KCTD8: variants seen among roughly 807,000 people sequenced by gnomAD.
The protein encoded by KCTD8 is BTB/POZ domain-containing protein KCTD8.
A neutral mutation model predicts 31.5 loss-of-function variants in KCTD8; 27 were observed. The ratio of observed to expected loss-of-function variants is 0.86; its 90% confidence interval spans 0.63 to 1.18. The LOEUF (loss-of-function observed/expected upper bound fraction) is 1.18, where lower values mean the gene tolerates loss of function less well. Among genes scored for constraint, KCTD8 ranks in the 50% most tolerant of loss-of-function variants. KCTD8 has a pLI of 0.00. For synonymous variants in KCTD8, 290 were observed against 280.0 expected, an observed-to-expected ratio of 1.04 and a Z score of -0.36; for missense variants, 658 against 647.7, an observed-to-expected ratio of 1.02 and a Z score of -0.17.
chr4:44,267,517 T>C (rs1716422587), intron 1 of KCTD8, among the ~76,000 whole-genome samples: 1 of 152,014 alleles, frequency 6.6e-6, no homozygotes, highest in Non-Finnish European at 1.5e-5. Context: ...ATTCAAAAGC[T>C]AGCAGAAGGC....
intron 1 of KCTD8, among the ~76,000 whole-genome samples, chr4:44,398,902 A>G (rs923678877): frequency 6.6e-6 from 1 of 152,220 alleles, no homozygotes; most frequent in African/African-American, 2.4e-5. Context: ...TTGAAGTCAT[A>G]CAATAGGCCC....
chr4:44,185,010 A>C (rs957030489), intron 1 of KCTD8, among the ~76,000 whole-genome samples: 1 of 152,230 alleles, frequency 6.6e-6, no homozygotes, highest in Admixed American at 6.5e-5. Context: ...TAAGAAAAGA[A>C]ATATCAGAGA....
intron 1 of KCTD8, among the ~76,000 whole-genome samples, chr4:44,445,524 T>G (rs1191894115): frequency 2.0e-5 from 3 of 152,256 alleles, no homozygotes; most frequent in East Asian, 3.9e-4. Context: ...TCTCTCAAAT[T>G]TATCCCATTA....
At chr4:44,287,546 A>G (rs1378123089) in intron 1 of KCTD8, among the ~76,000 whole-genome samples, 2 of 152,182 alleles carry the variant, frequency 1.3e-5, no homozygotes, top group Non-Finnish European at 2.9e-5. Context: ...CACCAAACTC[A>G]ATTTTTAAAC....
chr4:44,346,613 T>C (rs1170483942), intron 1 of KCTD8, among the ~76,000 whole-genome samples: 1 of 152,148 alleles, frequency 6.6e-6, no homozygotes, highest in Non-Finnish European at 1.5e-5. Context: ...TAAAAATATA[T>C]GCACATACAA....
intron 1 of KCTD8, among the ~76,000 whole-genome samples, chr4:44,261,630 C>G (rs928753484): frequency 2.0e-5 from 3 of 151,890 alleles, no homozygotes; most frequent in African/African-American, 7.2e-5. Flanking sequence ...CTGTTCTACT[C>G]TCTGCTTTTA....
intron 1 of KCTD8, among the ~76,000 whole-genome samples, chr4:44,308,099 TAC>T (rs1717853701): frequency 6.6e-6 from 1 of 151,990 alleles, no homozygotes; most frequent in African/African-American, 2.4e-5. Context: ...TCCCTTAATA[TAC>T]AGTTATTCCT....
intron 1 of KCTD8, among the ~76,000 whole-genome samples, chr4:44,400,606 G>T (rs1560445684): frequency 6.6e-6 from 1 of 151,434 alleles, no homozygotes. Flanking sequence ...GTGCACACCT[G>T]TAGTCCCAGT....
At position 44,180,333 on chromosome 4, in the gene KCTD8, TA is replaced by T. The variant is rs201146967; in HGVS notation, c.962-5084del. Among the ~76,000 whole-genome samples the T allele has an allele frequency of 1.1e-4, 16 of 149,502 alleles. No individual in the cohort carries two copies. The South Asian group carries it at 1.5e-3, about 14-fold the overall frequency. On this transcript the variant is annotated intron_variant, in intron 1 of 1. Transcript: ENST00000360029. The stretch of plus-strand genomic sequence containing the variant: ...CTCATATTAACCTAAGATTTATCTG[TA>T]AAAAAAAAGAGTTAATTATTTTAAA...
intron 1 of KCTD8, among the ~76,000 whole-genome samples, chr4:44,192,243 T>C (rs534969209): frequency 6.6e-6 from 1 of 152,294 alleles, no homozygotes; most frequent in East Asian, 1.9e-4. Flanking sequence ...AATCTAATCA[T>C]TGTGTATTTA....
chr4:44,366,766 AAC>A (rs1004672185), intron 1 of KCTD8, among the ~76,000 whole-genome samples: 71 of 152,268 alleles, frequency 4.7e-4, no homozygotes, highest in African/African-American at 1.6e-3. Flanking sequence ...CTCATTAAGC[AAC>A]ACAGTCTTCC....
chr4:44,392,874 A>C (rs1360565876), intron 1 of KCTD8, among the ~76,000 whole-genome samples: 1 of 152,064 alleles, frequency 6.6e-6, no homozygotes, highest in Non-Finnish European at 1.5e-5. Flanking sequence ...CTGAAAAAAC[A>C]TCTATTTTTA....
intron 1 of KCTD8, among the ~76,000 whole-genome samples, chr4:44,268,119 A>T (rs1474672387): frequency 6.6e-6 from 1 of 152,248 alleles, no homozygotes; most frequent in Non-Finnish European, 1.5e-5. Context: ...AATTTCCTTG[A>T]TGAACATTGA....
At chr4:44,392,300 A>T (rs999233748) in intron 1 of KCTD8, among the ~76,000 whole-genome samples, 1 of 151,956 alleles carries the variant, frequency 6.6e-6, no homozygotes. Flanking sequence ...ACACTCTCTC[A>T]TGTCTTACAA....
chr4:44,320,944 G>A (rs1718279501), intron 1 of KCTD8, among the ~76,000 whole-genome samples: 1 of 152,148 alleles, frequency 6.6e-6, no homozygotes, highest in Non-Finnish European at 1.5e-5. Context: ...TAAGTGAGAG[G>A]AGAAGCCTGA....
At chr4:44,336,790 C>A (rs997389226) in intron 1 of KCTD8, among the ~76,000 whole-genome samples, 1 of 151,908 alleles carries the variant, frequency 6.6e-6, no homozygotes, top group Non-Finnish European at 1.5e-5. Context: ...ATGATATCTA[C>A]ATACCTTTAT....
At chr4:44,418,000 A>C (rs753146927) in intron 1 of KCTD8, among the ~76,000 whole-genome samples, 2 of 152,092 alleles carry the variant, frequency 1.3e-5, no homozygotes, top group Non-Finnish European at 2.9e-5. Flanking sequence ...AAATTGTCCC[A>C]CTCTTCAGTA....
At chr4:44,434,330 A>G (rs1721588949) in intron 1 of KCTD8, among the ~76,000 whole-genome samples, 1 of 151,908 alleles carries the variant, frequency 6.6e-6, no homozygotes, top group Non-Finnish European at 1.5e-5. Context: ...GTACCATGCC[A>G]AGTGCTTTCT....
At chr4:44,294,547 C>G (rs891841338) in intron 1 of KCTD8, among the ~76,000 whole-genome samples, 2 of 152,134 alleles carry the variant, frequency 1.3e-5, no homozygotes, top group African/African-American at 4.8e-5. Flanking sequence ...AGCATTGGCT[C>G]ACTTTGAAAT....
Sources: gnomAD v4.1 joint callset for allele counts (sites outside exome capture counted in the v4.1 genomes callset) on GRCh38, gnomAD v4.1.1 for gene constraint, MANE v1.5 for transcripts, NCBI Gene and HGNC (gene_info 2026-07-23, HGNC 2026-07-21) for gene names.